The following SLC6A2 variants were observed in gnomAD, a reference collection of about 807,000 sequenced individuals.
SLC6A2 encodes sodium-dependent noradrenaline transporter.
A neutral mutation model predicts 71.7 loss-of-function variants in SLC6A2; 26 were observed. The ratio of observed to expected loss-of-function variants is 0.36; its 90% CI spans 0.27 to 0.50. The LOEUF (loss-of-function observed/expected upper bound fraction) is 0.50, where lower values mean the gene tolerates loss of function less well. Among genes scored for constraint, SLC6A2 ranks in the 20% least tolerant of loss-of-function variants. The probability of loss-of-function intolerance (pLI) is 0.96; values close to 1 mark genes in which losing one functional copy is unlikely to be tolerated. For synonymous variants in SLC6A2, 363 were observed against 337.9 expected (o/e 1.07, Z -0.82); for missense variants, 581 against 803.9 (o/e 0.72, Z 3.35).
At chr16:55,691,391 G>A (rs1184284742) in intron 5 of SLC6A2, among the ~76,000 whole-genome samples, 2 of 152,152 alleles carry the variant, frequency 1.3e-5, no homozygotes, top group South Asian at 2.1e-4. Flanking sequence ...AAAGGTGGGT[G>A]TACTTAGTTC....
At chr16:55,688,324 T>C (rs1264759682) in intron 5 of SLC6A2, among the ~76,000 whole-genome samples, 1 of 152,210 alleles carries the variant, frequency 6.6e-6, no homozygotes, top group Non-Finnish European at 1.5e-5. Context: ...CTTGCTTTAG[T>C]GACTTGATTG....
In SLC6A2 at chr16:55,663,492, G is replaced by A. The variant is rs40520; in HGVS notation, c.275-6073G>A. 1.3e-3 allele frequency among the ~76,000 whole-genome samples: 197 copies of A among 152,244 alleles called. 4 individuals are homozygous for A. In the East Asian group the frequency reaches 0.032, roughly 25 times the overall value. The stretch of plus-strand genomic sequence containing the variant: ...AACTTTCCAGTCACCAGAATCATGA[G>A]ACATATAAACCTCTTTTCTTTATAG... On this transcript the variant is annotated intron_variant, in intron 2 of 14. Coordinates refer to ENST00000568943, the MANE Select transcript of SLC6A2 (RefSeq NM_001172501.3).
Position 55,656,431 on chromosome 16 carries a change from C to A in SLC6A2, c.-51-213C>A, listed in dbSNP as rs546432049. Reference sequence around the variant, plus strand: ...GTGCTGCAGGGTCTTCAGCCGCCCCCAGAGGGCTGTCAGAAGTCTCCAACT... The same window carrying A: ...GTGCTGCAGGGTCTTCAGCCGCCCCAAGAGGGCTGTCAGAAGTCTCCAACT... On this transcript the variant is annotated intron_variant, in intron 1 of 14. Coordinates refer to ENST00000568943, the MANE Select transcript of SLC6A2 (RefSeq NM_001172501.3). The surrounding 1 kb of genome is among the most constrained non-coding windows in gnomAD (Gnocchi z 4.5). The A allele has an allele frequency of 1.9e-5, 11 of 566,142 alleles. No homozygotes were observed. In the South Asian group the frequency reaches 2.2e-4, roughly 11 times the overall value. 35.1% of individuals were successfully genotyped at this position (566,142 alleles called of 1,614,324 possible).
rs41280915 is a variant in SLC6A2 at position 55,703,630 on chromosome 16, G to T, written c.*1284G>T. ...TTAGTTTTAGTTCCGTAAGAGAAATGATTCCTAGTTTGCTAAATTGGTGGC... is the reference window on the plus strand; with the variant it reads ...TTAGTTTTAGTTCCGTAAGAGAAATTATTCCTAGTTTGCTAAATTGGTGGC... On this transcript the variant is annotated 3_prime_UTR_variant, in exon 15 of 15. Transcript: ENST00000568943. The T allele has an allele frequency of 3.1e-5, 31 of 985,300 alleles. No individual in the cohort carries two copies. The highest frequency in any genetic ancestry group is 2.4e-4 in the African/African-American group (14 of 57,246). The allele number at this position is 985,300 out of a possible 1,614,324, so 61.0% of individuals were successfully genotyped here.
chr16:55,659,709 C>A (rs1215232933), intron 2 of SLC6A2, among the ~76,000 whole-genome samples: 3 of 152,160 alleles, frequency 2.0e-5, no homozygotes, highest in Admixed American at 1.3e-4. Context: ...GACCTCCAAC[C>A]GTATTCAGAA....
chr16:55,685,078 G>T, intron 4 of SLC6A2, 65 bp from the exon 5 acceptor site: 1 of 1,540,376 alleles, frequency 6.5e-7, no homozygotes. Flanking sequence ...CTGGTCTGTG[G>T]TCACGGCCTC....
At position 55,698,007 on chromosome 16, in the gene SLC6A2, C is replaced by T. The variant is rs781684750; in HGVS notation, c.1371C>T (p.Ala457=). The T allele has an allele frequency of 3.1e-6, 5 of 1,614,166 alleles. No homozygotes were observed. The highest frequency in any genetic ancestry group is 4.2e-6 in the Non-Finnish European group (5 of 1,180,024). The change falls in exon 10 of 15, where the codon GCC becomes GCT. Residue 457 remains alanine (A), a synonymous_variant. Coordinates refer to ENST00000568943, the MANE Select transcript of SLC6A2 (RefSeq NM_001172501.3). Reference sequence around the variant, plus strand: ...TCACCTTCAGCACTTTCCTTCTCGCCCTGTTCTGCATAACCAAGGTGAGTA... The same window carrying T: ...TCACCTTCAGCACTTTCCTTCTCGCTCTGTTCTGCATAACCAAGGTGAGTA... The part of the protein sequence containing the change: ...FGVTFSTFLL[A]LFCITKGGIY...
Position 55,695,364 on chromosome 16 carries a change from A to G in SLC6A2, c.1109A>G (p.His370Arg). The G allele has an allele frequency of 1.2e-6, 2 of 1,614,216 alleles. No homozygotes were observed. Among genetic ancestry groups the G allele is most frequent in the Non-Finnish European group, 8.5e-7 (1 of 1,180,032 alleles). The change falls in exon 8 of 15, where the codon CAT becomes CGT. Residue 370 changes from histidine (H) to arginine (R), a missense_variant. Transcript: ENST00000568943. ...TTCTCCATCCTTGGTTACATGGCCC[A>G]TGAACACAAGGTCAACATTGAGGAT... ...AIFSILGYMA[H>R]EHKVNIEDVA... is the part of the protein sequence containing the mutation.
intron 9 of SLC6A2, among the ~76,000 whole-genome samples, chr16:55,696,721 C>A (rs2142611649): frequency 6.6e-6 from 1 of 152,314 alleles, no homozygotes; most frequent in South Asian, 2.1e-4. Context: ...GTGGCTCACT[C>A]CTATAATCCC....
intron 4 of SLC6A2, among the ~76,000 whole-genome samples, chr16:55,681,617 G>A (rs1408879869): frequency 6.6e-6 from 1 of 152,242 alleles, no homozygotes; most frequent in Admixed American, 6.5e-5. Flanking sequence ...GTGGTCTTCA[G>A]CCTTTCTTTC....
intron 13 of SLC6A2, 48 bp from the exon 14 acceptor site, chr16:55,701,815 G>C: frequency 6.9e-7 from 1 of 1,452,158 alleles, no homozygotes; most frequent in Non-Finnish European, 9.7e-7. Context: ...CTGCCAGAAG[G>C]GTGTCCCTGG....
At chr16:55,701,841 C>A in intron 13 of SLC6A2, 22 bp from the exon 14 acceptor site, 3 of 1,607,604 alleles carry the variant, frequency 1.9e-6, no homozygotes, top group Non-Finnish European at 2.6e-6. Context: ...GCTGAGGCCT[C>A]CTCCCCTTCT....
chr16:55,691,890 C>T (rs750786429), intron 5 of SLC6A2, 28 bp from the exon 6 acceptor site: 2 of 1,613,698 alleles, frequency 1.2e-6, no homozygotes, highest in Non-Finnish European at 1.7e-6. Flanking sequence ...CAGAGCGAGG[C>T]TCTCACCTGA....
chr16:55,703,333 T>C lies in SLC6A2; in HGVS notation c.*987T>C, dbSNP rs1206080159. The C allele has an allele frequency of 1.0e-6, 1 of 985,360 alleles. No individual in the cohort carries two copies. The highest frequency in any genetic ancestry group is 1.1e-4 in the East Asian group (1 of 8,820). The allele number at this position is 985,360 out of a possible 1,614,324, so 61.0% of individuals were successfully genotyped here. On this transcript the variant is annotated 3_prime_UTR_variant, in exon 15 of 15. Coordinates refer to ENST00000568943, the MANE Select transcript of SLC6A2 (RefSeq NM_001172501.3). The stretch of plus-strand genomic sequence containing the variant: ...CTGACAGGCTGTTGTGTTAATTTAT[T>C]GTTCTTGCACACCTGCACAGCCTCC...
At chr16:55,666,935 C>T (rs1964766810) in intron 2 of SLC6A2, among the ~76,000 whole-genome samples, 1 of 152,140 alleles carries the variant, frequency 6.6e-6, no homozygotes, top group Non-Finnish European at 1.5e-5. Flanking sequence ...GGGCCACTGA[C>T]TTCCATCTTC....
chr16:55,701,407 T>C (rs1446839910), intron 13 of SLC6A2, among the ~76,000 whole-genome samples: 9 of 152,292 alleles, frequency 5.9e-5, no homozygotes, highest in African/African-American at 2.2e-4. Flanking sequence ...CAATTGTTGG[T>C]TCAGAACACA....
chr16:55,689,509 G>A (rs1178559699), intron 5 of SLC6A2, among the ~76,000 whole-genome samples: 5 of 152,188 alleles, frequency 3.3e-5, no homozygotes, highest in Admixed American at 6.5e-5. Context: ...GTCAAGATAC[G>A]GTTTTCTGAT....
chr16:55,663,013 T>C (rs1160308196), intron 2 of SLC6A2, among the ~76,000 whole-genome samples: 2 of 152,188 alleles, frequency 1.3e-5, no homozygotes, highest in Admixed American at 6.5e-5. Context: ...GGTTGAGGCA[T>C]TCCCACAAGA....
At chr16:55,681,250 T>G (rs1965261933) in intron 4 of SLC6A2, among the ~76,000 whole-genome samples, 2 of 152,226 alleles carry the variant, frequency 1.3e-5, no homozygotes, top group Non-Finnish European at 1.5e-5. Context: ...TCACAGCCCT[T>G]TCACTGAAAA....
Sources: allele counts gnomAD v4.1 joint callset (sites outside exome capture counted in the v4.1 genomes callset), GRCh38; gene constraint gnomAD v4.1.1; non-coding constraint Gnocchi (gnomAD v3.1); transcripts MANE v1.5; gene names NCBI Gene and HGNC (gene_info 2026-07-23, HGNC 2026-07-21).